The following SNX18 variants were observed in gnomAD, a reference collection of about 807,000 sequenced individuals.
SNX18 encodes sorting nexin 18.
SNX18 carries 35 observed loss-of-function variants against 48.7 expected under a neutral mutation model. That is an observed-to-expected ratio of 0.72 (90% CI 0.55 to 0.95). The LOEUF is 0.95. Ranked by LOEUF, SNX18 falls within the 40% of genes least tolerant of loss-of-function variation. The pLI is 0.00. For synonymous variants in SNX18, 492 were observed against 384.7 expected, an observed-to-expected ratio of 1.28 and a Z score of -3.26; for missense variants, 824 against 871.0, an observed-to-expected ratio of 0.95 and a Z score of 0.68.
At chr5:54,614,205 G>C in the SNX18 span, among the ~76,000 whole-genome samples, 3,810 of 152,262 alleles carry the variant, frequency 0.025, 65 homozygotes, top group East Asian at 0.09. Context: ...ACTTAGGGAG[G>C]AGAAAAAACT....
At chr5:54,631,909 A>T in the SNX18 span, among the ~76,000 whole-genome samples, 1 of 152,170 alleles carries the variant, frequency 6.6e-6, no homozygotes, top group African/African-American at 2.4e-5. Context: ...CCACTGCAAA[A>T]CCTCAAATTG....
chr5:54,542,255 C>T (rs958857299), intron 1 of SNX18, among the ~76,000 whole-genome samples: 15 of 152,152 alleles, frequency 9.9e-5, no homozygotes, highest in African/African-American at 3.4e-4. Context: ...GGAGGGCCTG[C>T]GTTCGTATGG....
chr5:54,543,385 G>C lies in SNX18; in HGVS notation c.1828G>C (p.Val610Leu). The C allele has an allele frequency of 1.2e-6, 2 of 1,614,166 alleles. No individual in the cohort carries two copies. The highest frequency in any genetic ancestry group is 2.2e-5 in the South Asian group (2 of 91,084). ...LQQQIIFFQKVTQKLEEALHK... is the reference protein window; with the variant it reads ...LQQQIIFFQKLTQKLEEALHK... ...ACAACAAATAATATTTTTCCAAAAA[G>C]TTACCCAGAAGTTGGAAGAAGCTCT... is the stretch of plus-strand genomic sequence containing the variant. Residue 610 changes from valine to leucine, a missense_variant, in exon 2 of 2, where the codon GTT becomes CTT. Physicochemically the swap from Val to Leu is conservative, Grantham distance 32 (BLOSUM62 1). Transcript: ENST00000381410.
intron 1 of SNX18, chr5:54,520,011 A>C: frequency 1.7e-6 from 1 of 594,114 alleles, no homozygotes; most frequent in East Asian, 2.8e-5. Context: ...TGTAAATAGA[A>C]ATCTGCTTTC....
the SNX18 span, among the ~76,000 whole-genome samples, chr5:54,618,739 A>G: frequency 6.6e-6 from 1 of 152,190 alleles, no homozygotes; most frequent in South Asian, 2.1e-4. Flanking sequence ...TTCCTGGAAG[A>G]CTAAATTAAC....
the SNX18 span, among the ~76,000 whole-genome samples, chr5:54,606,545 C>A: frequency 7.9e-5 from 12 of 152,220 alleles, no homozygotes. Flanking sequence ...CAGAGGCATT[C>A]ACTCATTCTT....
the SNX18 span, among the ~76,000 whole-genome samples, chr5:54,560,798 T>C: frequency 4.8e-3 from 733 of 152,240 alleles, 5 homozygotes; most frequent in Middle Eastern, 0.017. Flanking sequence ...GGGGAGGCCA[T>C]GGCACCAGGT....
the SNX18 span, among the ~76,000 whole-genome samples, chr5:54,571,308 G>C: frequency 3.3e-5 from 5 of 152,326 alleles, no homozygotes; most frequent in South Asian, 1.0e-3. Context: ...GAGGCTGCAA[G>C]CCTTCCAGGC....
intron 1 of SNX18, among the ~76,000 whole-genome samples, chr5:54,533,531 C>A (rs925535974): frequency 1.3e-5 from 2 of 152,180 alleles, no homozygotes; most frequent in Admixed American, 6.5e-5. Flanking sequence ...AGGGTATCCC[C>A]CCTTGGGCCA....
chr5:54,552,191 C>T, the SNX18 span, among the ~76,000 whole-genome samples: 2 of 152,206 alleles, frequency 1.3e-5, no homozygotes, highest in East Asian at 1.9e-4. Flanking sequence ...CTGAGACATT[C>T]GTGAGCGGCT....
chr5:54,526,197 C>T (rs192000705), intron 1 of SNX18, among the ~76,000 whole-genome samples: 18 of 152,268 alleles, frequency 1.2e-4, no homozygotes, highest in South Asian at 2.1e-4. Flanking sequence ...CTCTGCCTCG[C>T]GAGTTCAAAT....
At chr5:54,566,186 A>G in the SNX18 span, among the ~76,000 whole-genome samples, 2 of 152,208 alleles carry the variant, frequency 1.3e-5, no homozygotes, top group Non-Finnish European at 2.9e-5. Context: ...CTCTTTCACC[A>G]GGCTAATCTT....
the SNX18 span, among the ~76,000 whole-genome samples, chr5:54,576,355 G>A: frequency 6.6e-6 from 1 of 152,222 alleles, no homozygotes; most frequent in Non-Finnish European, 1.5e-5. Flanking sequence ...CCAAGGCTAT[G>A]GTACGTGGCA....
the SNX18 span, among the ~76,000 whole-genome samples, chr5:54,598,308 A>G: frequency 6.6e-6 from 1 of 152,198 alleles, no homozygotes; most frequent in Non-Finnish European, 1.5e-5. Context: ...CTCAGCTCCT[A>G]CAAAGAGGAG....
chr5:54,538,209 A>C (rs2111582934), intron 1 of SNX18, among the ~76,000 whole-genome samples: 1 of 152,352 alleles, frequency 6.6e-6, no homozygotes, highest in African/African-American at 2.4e-5. Flanking sequence ...ACTTCTAATA[A>C]TAATACTATT....
the SNX18 span, among the ~76,000 whole-genome samples, chr5:54,622,013 T>C: frequency 8.5e-3 from 1,299 of 152,374 alleles, 17 homozygotes; most frequent in African/African-American, 0.03. Context: ...AAACTCAGCA[T>C]GGGCTGATTC....
intron 1 of SNX18, among the ~76,000 whole-genome samples, chr5:54,536,555 G>C (rs1479422642): frequency 6.6e-6 from 1 of 152,160 alleles, no homozygotes; most frequent in East Asian, 1.9e-4. Flanking sequence ...CAAAGGACGT[G>C]AACTCATCAT....
chr5:54,623,034 C>T, the SNX18 span, among the ~76,000 whole-genome samples: 4 of 152,166 alleles, frequency 2.6e-5, no homozygotes, highest in African/African-American at 9.7e-5. Flanking sequence ...ATCAATAGTG[C>T]TTATAAATAC....
the SNX18 span, among the ~76,000 whole-genome samples, chr5:54,555,588 G>A: frequency 5.9e-5 from 9 of 151,850 alleles, no homozygotes; most frequent in East Asian, 1.2e-3. Flanking sequence ...TAATCCCAGC[G>A]CTTTGGGAAG....
Sources: allele counts gnomAD v4.1 joint callset (sites outside exome capture counted in the v4.1 genomes callset), GRCh38; gene constraint gnomAD v4.1.1; transcripts MANE v1.5; gene names NCBI Gene and HGNC (gene_info 2026-07-23, HGNC 2026-07-21).